MACROD2: variants seen among roughly 807,000 people sequenced by gnomAD.
MACROD2 encodes the protein ADP-ribose glycohydrolase MACROD2.
In MACROD2, 36 loss-of-function variants were observed where a neutral mutation model predicts 70.4. The ratio of observed to expected loss-of-function variants is 0.51; its 90% confidence interval spans 0.39 to 0.68. MACROD2 has a LOEUF of 0.68. Among genes scored for constraint, MACROD2 ranks in the 30% least tolerant of loss-of-function variants. MACROD2 has a pLI of 0.00. For synonymous variants in MACROD2, 172 were observed against 178.8 expected, an observed-to-expected ratio of 0.96 and a Z score of 0.30; for missense variants, 496 against 538.4, an observed-to-expected ratio of 0.92 and a Z score of 0.78.
At chr20:14,491,633 C>T (rs2084796523) in intron 3 of MACROD2, among the ~76,000 whole-genome samples, 1 of 152,138 alleles carries the variant, frequency 6.6e-6, no homozygotes, top group African/African-American at 2.4e-5. Context: ...GGACAAGTGC[C>T]TGGTTAAACA....
chr20:15,845,191 G>T (rs572710388), intron 8 of MACROD2, among the ~76,000 whole-genome samples: 1 of 152,094 alleles, frequency 6.6e-6, no homozygotes. Context: ...TTGAGGTCAC[G>T]CTGGATTAAG....
At chr20:14,042,195 A>G (rs539434171) in intron 2 of MACROD2, among the ~76,000 whole-genome samples, 158 of 152,310 alleles carry the variant, frequency 1.0e-3, no homozygotes, top group African/African-American at 3.3e-3. Flanking sequence ...AAGTCAAAAA[A>G]TAGAGAAGGT....
chr20:14,830,533 C>T (rs980423338), intron 5 of MACROD2, among the ~76,000 whole-genome samples: 6 of 152,000 alleles, frequency 3.9e-5, no homozygotes, highest in Admixed American at 1.3e-4. Context: ...TTTTCTCAAA[C>T]TGGAAGAAAT....
At chr20:15,747,045 CT>C (rs2051194308) in intron 8 of MACROD2, among the ~76,000 whole-genome samples, 1 of 152,044 alleles carries the variant, frequency 6.6e-6, no homozygotes, top group African/African-American at 2.4e-5. Flanking sequence ...CAAAAAGCTC[CT>C]TCTGTTTTAT....
In MACROD2 at chr20:16,041,295, T is replaced by A; in HGVS notation, c.1231+17T>A. The A allele has an allele frequency of 6.3e-7, 1 of 1,597,790 alleles. No homozygotes were observed. Among genetic ancestry groups the A allele is most frequent in the Non-Finnish European group, 8.5e-7 (1 of 1,169,606 alleles). On this transcript the variant is annotated intron_variant, in intron 16 of 17. Coordinates refer to ENST00000684519, the MANE Select transcript of MACROD2 (RefSeq NM_001351661.2). ...GTCCTGATGGTAAGGTTCTGAGCTA[T>A]TGGAGCCCATGGAAACTACAAATCT...
At chr20:14,174,342 G>C (rs1601312357) in intron 3 of MACROD2, among the ~76,000 whole-genome samples, 1 of 152,112 alleles carries the variant, frequency 6.6e-6, no homozygotes, top group African/African-American at 2.4e-5. Context: ...GGGTCTTGCT[G>C]TGGCTGCTGT....
At chr20:14,950,047 G>A (rs2074463037) in intron 5 of MACROD2, among the ~76,000 whole-genome samples, 1 of 152,096 alleles carries the variant, frequency 6.6e-6, no homozygotes, top group Non-Finnish European at 1.5e-5. Context: ...ACCATCTCTA[G>A]GGTTGTCTAT....
chr20:14,314,591 T>G (rs2082596928), intron 3 of MACROD2, among the ~76,000 whole-genome samples: 1 of 151,978 alleles, frequency 6.6e-6, no homozygotes, highest in Admixed American at 6.6e-5. Flanking sequence ...AGAAACCCCA[T>G]CTCTACTAAA....
At chr20:15,476,579 C>G (rs1470088094) in intron 7 of MACROD2, among the ~76,000 whole-genome samples, 4 of 147,100 alleles carry the variant, frequency 2.7e-5, no homozygotes, top group East Asian at 1.9e-4. Context: ...TGCCCCCCCC[C>G]GGTAAGTCTG....
chr20:15,830,137 A>G (rs979767832), intron 8 of MACROD2, among the ~76,000 whole-genome samples: 6 of 152,160 alleles, frequency 3.9e-5, no homozygotes, highest in Admixed American at 3.9e-4. Flanking sequence ...TGTGGGACCC[A>G]TTGCCACAGT....
intron 6 of MACROD2, among the ~76,000 whole-genome samples, chr20:15,297,187 G>C (rs1427893014): frequency 6.6e-6 from 1 of 152,152 alleles, no homozygotes; most frequent in Non-Finnish European, 1.5e-5. Flanking sequence ...CTTCTAAGTA[G>C]TCTGTAAACT....
chr20:14,090,957 T>C (rs536951662), intron 3 of MACROD2, among the ~76,000 whole-genome samples: 36 of 152,316 alleles, frequency 2.4e-4, no homozygotes, highest in African/African-American at 8.2e-4. Flanking sequence ...TGAAATGATA[T>C]CTCATTGTGG....
At chr20:14,684,648 A>ATCCC (rs2070977347) in intron 4 of MACROD2, among the ~76,000 whole-genome samples, 195 bp from the exon 5 acceptor site, 1 of 134,848 alleles carries the variant, frequency 7.4e-6, no homozygotes, top group Admixed American at 7.5e-5. Flanking sequence ...ACATAACCTC[A>ATCCC]CCCCCCCCCC....
At chr20:14,108,475 T>TAA (rs371559271) in intron 3 of MACROD2, among the ~76,000 whole-genome samples, 16 of 98,308 alleles carry the variant, frequency 1.6e-4, no homozygotes, top group East Asian at 1.5e-3. Flanking sequence ...GCTAAGTGGA[T>TAA]AAAAAAAAAA....
At chr20:15,500,934 G>A (rs1039203941) in intron 8 of MACROD2, among the ~76,000 whole-genome samples, 10 of 152,174 alleles carry the variant, frequency 6.6e-5, no homozygotes, top group African/African-American at 1.9e-4. Context: ...AAAACAAATA[G>A]CTAAAATAGC....
chr20:14,938,745 C>T (rs929824648), intron 5 of MACROD2, among the ~76,000 whole-genome samples: 3 of 152,034 alleles, frequency 2.0e-5, no homozygotes, highest in African/African-American at 7.2e-5. Flanking sequence ...CATGCCACTG[C>T]ACTCCAGCGT....
intron 8 of MACROD2, among the ~76,000 whole-genome samples, chr20:15,695,648 A>T (rs1226341304): frequency 6.6e-6 from 1 of 152,022 alleles, no homozygotes; most frequent in Non-Finnish European, 1.5e-5. Flanking sequence ...TGACCTCGTG[A>T]TCCACCCGCC....
chr20:15,893,092 A>G (rs893788929), intron 10 of MACROD2: 1 of 399,358 alleles, frequency 2.5e-6, no homozygotes. Flanking sequence ...GTACAAACAC[A>G]CTCATGTTCA....
At chr20:14,855,011 G>A (rs536614997) in intron 5 of MACROD2, among the ~76,000 whole-genome samples, 30 of 151,720 alleles carry the variant, frequency 2.0e-4, no homozygotes, top group African/African-American at 6.3e-4. Context: ...ATGAGACTCC[G>A]TCTCAAAAAA....
Sources: allele counts gnomAD v4.1 joint callset (sites outside exome capture counted in the v4.1 genomes callset), GRCh38; gene constraint gnomAD v4.1.1; transcripts MANE v1.5; gene names NCBI Gene and HGNC (gene_info 2026-07-23, HGNC 2026-07-21).